The following THRB variants were observed in gnomAD, a reference collection of about 807,000 sequenced individuals.
THRB encodes nuclear receptor subfamily 1 group A member 2.
In THRB, 12 loss-of-function variants were observed where a neutral mutation model predicts 47.8. The ratio of observed to expected loss-of-function variants is 0.25; its 90% CI spans 0.16 to 0.41. THRB has a LOEUF of 0.41. Ranked by LOEUF, THRB falls within the 10% of genes least tolerant of loss-of-function variation. The probability of loss-of-function intolerance (pLI) is 1.00; values close to 1 mark genes in which losing one functional copy is unlikely to be tolerated. For synonymous variants in THRB, 218 were observed against 212.2 expected (o/e 1.03, Z -0.24); for missense variants, 348 against 589.2 (o/e 0.59, Z 4.24).
chr3:24,396,919 G>A (rs906471110), intron 1 of THRB, among the ~76,000 whole-genome samples: 24 of 152,050 alleles, frequency 1.6e-4, no homozygotes, highest in African/African-American at 5.8e-4. Flanking sequence ...ATATAAAAAT[G>A]TTGAATGACC....
chr3:24,491,972 G>C (rs996640103), intron 1 of THRB, among the ~76,000 whole-genome samples: 1 of 152,194 alleles, frequency 6.6e-6, no homozygotes, highest in East Asian at 1.9e-4. Flanking sequence ...CAGAATGGAA[G>C]ACCAGCTTTT....
chr3:24,330,308 C>T (rs1191411902), intron 2 of THRB, among the ~76,000 whole-genome samples: 6 of 150,182 alleles, frequency 4.0e-5, no homozygotes, highest in Admixed American at 2.0e-4. Context: ...AGCGAGACTC[C>T]GTCTCAAATA....
intron 8 of THRB, among the ~76,000 whole-genome samples, chr3:24,140,238 G>A (rs536722569): frequency 4.2e-4 from 64 of 152,294 alleles, no homozygotes; most frequent in African/African-American, 1.5e-3. Flanking sequence ...TGGGTGAGTG[G>A]AACTGTATGT....
intron 1 of THRB, among the ~76,000 whole-genome samples, chr3:24,436,743 A>G (rs2070997673): frequency 6.6e-6 from 1 of 152,152 alleles, no homozygotes; most frequent in African/African-American, 2.4e-5. Flanking sequence ...ACGTACATCT[A>G]ACCACCTGGG....
At chr3:24,230,199 G>T (rs566038459) in intron 3 of THRB, among the ~76,000 whole-genome samples, 1 of 152,328 alleles carries the variant, frequency 6.6e-6, no homozygotes, top group Non-Finnish European at 1.5e-5. Flanking sequence ...TAATGCTGCA[G>T]CAATGACTTC....
At chr3:24,209,772 A>T (rs9811853) in intron 4 of THRB, among the ~76,000 whole-genome samples, 82,256 of 151,948 alleles carry the variant, frequency 0.54, 24,190 homozygotes, top group African/African-American at 0.8. Flanking sequence ...CATGTATACA[A>T]AATTAACAAA....
intron 1 of THRB, among the ~76,000 whole-genome samples, chr3:24,343,395 G>A (rs1378469648): frequency 6.6e-6 from 1 of 152,030 alleles, no homozygotes; most frequent in Non-Finnish European, 1.5e-5. Context: ...AAATAAAAAA[G>A]GAGAAAATGG....
intron 4 of THRB, among the ~76,000 whole-genome samples, chr3:24,191,165 C>T (rs754224994): frequency 4.6e-5 from 7 of 151,662 alleles, no homozygotes; most frequent in Non-Finnish European, 7.4e-5. Flanking sequence ...TGAAAAATTT[C>T]TGACACTAAC....
At chr3:24,247,089 A>G (rs1184933498) in intron 3 of THRB, among the ~76,000 whole-genome samples, 1 of 152,224 alleles carries the variant, frequency 6.6e-6, no homozygotes, top group Non-Finnish European at 1.5e-5. Context: ...AACTAGACAA[A>G]ACGTGGCTCT....
intron 1 of THRB, among the ~76,000 whole-genome samples, chr3:24,392,283 G>T (rs1419182372): frequency 6.6e-6 from 1 of 151,904 alleles, no homozygotes; most frequent in Non-Finnish European, 1.5e-5. Context: ...TATTTTTGGG[G>T]TATATGTGAT....
intron 5 of THRB, among the ~76,000 whole-genome samples, chr3:24,156,237 C>T (rs2037818605): frequency 6.6e-6 from 1 of 152,186 alleles, no homozygotes; most frequent in African/African-American, 2.4e-5. Context: ...AGTAAGCTTG[C>T]CTTCTTGGTT....
At chr3:24,170,134 T>G (rs1191364063) in intron 5 of THRB, among the ~76,000 whole-genome samples, 1 of 152,170 alleles carries the variant, frequency 6.6e-6, no homozygotes, top group African/African-American at 2.4e-5. Flanking sequence ...CTTAATTCTT[T>G]CTAAAACCTG....
chr3:24,477,007 A>ATT (rs558247174), intron 1 of THRB, among the ~76,000 whole-genome samples: 9 of 126,476 alleles, frequency 7.1e-5, no homozygotes, highest in South Asian at 5.0e-4. Flanking sequence ...GGTTTTCAAG[A>ATT]TTTTTTTTTT....
chr3:24,390,794 A>AT (rs1484052206), intron 1 of THRB, among the ~76,000 whole-genome samples: 1,911 of 71,134 alleles, frequency 0.027, 21 homozygotes, highest in East Asian at 0.064. Flanking sequence ...TAAAAAAAAA[A>AT]AAAATATATA....
At position 24,490,925 on chromosome 3, in the gene THRB, C is replaced by G. The variant is rs1698053379; in HGVS notation, c.-261+3727G>C. ...ATGTCTTCTGCAATTTTTTTCCATT[C>G]CAGAGTTGGTAACAAGACAAGATCA... On this transcript the variant is annotated intron_variant, in intron 1 of 10. Coordinates refer to ENST00000646209, the MANE Select transcript of THRB (RefSeq NM_001354712.2). Among the ~76,000 whole-genome samples, 3 of 152,042 alleles carry G rather than the reference C, an allele frequency of 2.0e-5. No homozygotes were observed. In the South Asian group the frequency reaches 6.2e-4, roughly 31 times the overall value.
chr3:24,152,343 G>T (rs1286726318), intron 6 of THRB, 47 bp downstream of exon 6: 2 of 987,078 alleles, frequency 2.0e-6, no homozygotes, highest in Non-Finnish European at 1.6e-6. Flanking sequence ...ACTGGGAGGG[G>T]ACTGGAGCTG....
chr3:24,277,806 T>C (rs989164230), intron 3 of THRB, among the ~76,000 whole-genome samples: 1 of 152,214 alleles, frequency 6.6e-6, no homozygotes, highest in East Asian at 1.9e-4. Context: ...TAATGTTACA[T>C]ATAAATATGA....
At chr3:24,465,276 T>C (rs982360342) in intron 1 of THRB, among the ~76,000 whole-genome samples, 1 of 152,222 alleles carries the variant, frequency 6.6e-6, no homozygotes, top group African/African-American at 2.4e-5. Flanking sequence ...GCGTCTATTG[T>C]TGCTAATGAA....
intron 5 of THRB, among the ~76,000 whole-genome samples, chr3:24,161,456 T>C (rs1461760094): frequency 2.0e-5 from 3 of 150,512 alleles, no homozygotes; most frequent in African/African-American, 4.9e-5. Flanking sequence ...AAAGAGAAGA[T>C]AGAGGAAGAA....
Sources: gnomAD v4.1 joint callset for allele counts (sites outside exome capture counted in the v4.1 genomes callset) on GRCh38, gnomAD v4.1.1 for gene constraint, MANE v1.5 for transcripts, NCBI Gene and HGNC (gene_info 2026-07-23, HGNC 2026-07-21) for gene names.